Variants in HMCN1 observed in about 807,000 individuals in gnomAD.
HMCN1 encodes hemicentin-1.
In HMCN1, 321 loss-of-function variants were observed where a neutral mutation model predicts 625.9. The ratio of observed to expected loss-of-function variants is 0.51; its 90% CI spans 0.47 to 0.56. HMCN1 has a LOEUF of 0.56. Ranked by LOEUF, HMCN1 falls within the 20% of genes least tolerant of loss-of-function variation. The pLI is 0.00. For missense variants in HMCN1, 6,588 were observed against 6,887.3 expected (o/e 0.96, Z 1.54); for synonymous variants, 2,425 against 2,417.6 (o/e 1.00, Z -0.09).
chr1:186,032,740 TAAAAAGAAAAAA>T (rs138478737), intron 36 of HMCN1, among the ~76,000 whole-genome samples: 83,384 of 147,242 alleles, frequency 0.57, 23,367 homozygotes, highest in African/African-American at 0.64. Context: ...TGGCCATAAG[TAAAAAGAAAAAA>T]AAAAAGAAAA....
intron 10 of HMCN1, among the ~76,000 whole-genome samples, chr1:185,931,661 A>T (rs773493537): frequency 1.2e-4 from 18 of 152,130 alleles, no homozygotes; most frequent in Non-Finnish European, 2.5e-4. Flanking sequence ...AAGTGGAAGA[A>T]GAGGAACTGT....
chr1:185,932,464 C>G (rs935647962), intron 10 of HMCN1, among the ~76,000 whole-genome samples: 2 of 152,144 alleles, frequency 1.3e-5, no homozygotes, highest in Non-Finnish European at 2.9e-5. Flanking sequence ...AAAACAGACA[C>G]ATGAATTTCT....
chr1:186,057,495 A>G (rs1657417387), intron 46 of HMCN1, 94 bp downstream of exon 46: 1 of 914,780 alleles, frequency 1.1e-6, no homozygotes, highest in Non-Finnish European at 1.8e-6. Flanking sequence ...TTATTGTTTT[A>G]TTTTTTAACC....
chr1:185,735,084 T>C (rs551524001), intron 1 of HMCN1, 37 bp downstream of exon 1: 2 of 1,593,012 alleles, frequency 1.3e-6, no homozygotes, highest in African/African-American at 2.7e-5. Context: ...TTGCTATGTC[T>C]CATGATTACA....
chr1:185,933,746 A>C lies in HMCN1; in HGVS notation c.1750A>C (p.Asn584His). 6.2e-7 allele frequency: 1 copy of C among 1,613,984 alleles called. No individual in the cohort carries two copies. Among genetic ancestry groups the C allele is most frequent in the South Asian group, 1.1e-5 (1 of 91,082 alleles). ...ATTGGAGCTAAAGAGTGTGAAATTC[A>C]ACGATGCTGGAGAGTATCATTGTAT... ...LSLELKSVKF[N>H]DAGEYHCMVS... Residue 584 changes from asparagine to histidine, a missense_variant, in exon 11 of 107, where the codon AAC becomes CAC. Asn to His is a moderately conservative substitution (Grantham distance 68). Transcript: ENST00000271588.
chr1:186,157,973 A>G (rs1344263722), intron 97 of HMCN1, among the ~76,000 whole-genome samples: 3 of 151,900 alleles, frequency 2.0e-5, no homozygotes, highest in Admixed American at 6.6e-5. Flanking sequence ...GGATGGCTGG[A>G]TCAAATGGTA....
intron 69 of HMCN1, among the ~76,000 whole-genome samples, chr1:186,106,021 C>T (rs776721244): frequency 1.3e-5 from 2 of 152,164 alleles, no homozygotes; most frequent in Non-Finnish European, 2.9e-5. Flanking sequence ...ACATTCTAGT[C>T]TCAATGTTTT....
At chr1:186,177,498 G>A (rs1309088748) in intron 103 of HMCN1, among the ~76,000 whole-genome samples, 2 of 152,106 alleles carry the variant, frequency 1.3e-5, no homozygotes, top group East Asian at 3.9e-4. Context: ...AATAAAGAAT[G>A]TGATGGGAAA....
At chr1:185,736,319 T>C (rs1043946939) in intron 1 of HMCN1, among the ~76,000 whole-genome samples, 2 of 151,710 alleles carry the variant, frequency 1.3e-5, no homozygotes, top group African/African-American at 4.9e-5. Flanking sequence ...AATTTCTACA[T>C]TGGTTAAACA....
chr1:186,094,517 A>T (rs1301073923), intron 67 of HMCN1, 144 bp downstream of exon 67: 9 of 708,290 alleles, frequency 1.3e-5, no homozygotes, highest in Non-Finnish European at 2.3e-5. Context: ...CTGACTAGAG[A>T]ATGTATTTTC....
At chr1:186,040,922 C>G in intron 39 of HMCN1, 91 bp from the exon 40 acceptor site, 1 of 1,410,282 alleles carries the variant, frequency 7.1e-7, no homozygotes, top group Non-Finnish European at 1.0e-6. Flanking sequence ...CAAATGTCAA[C>G]TGATAAGCCT....
chr1:186,119,209 C>T lies in HMCN1; in HGVS notation c.11867C>T (p.Ala3956Val), dbSNP rs769250182. Residue 3956 changes from alanine to valine, a missense_variant, in exon 78 of 107, where the codon GCC (alanine) becomes GTC (valine). Transcript: ENST00000271588. ...ILSSGAIEIL[A>V]TQLNHAGRYT... ...TTTTTAGGAGCAATTGAAATACTTGCCACCCAATTAAACCATGCTGGAAGA... is the reference window on the plus strand; with the variant it reads ...TTTTTAGGAGCAATTGAAATACTTGTCACCCAATTAAACCATGCTGGAAGA... 11 of 1,613,424 alleles carry T rather than the reference C, an allele frequency of 6.8e-6. No individual in the cohort carries two copies. In the East Asian group the frequency reaches 2.5e-4, roughly 36 times the overall value.
In HMCN1 at chr1:186,053,870, C is replaced by A; in HGVS notation, c.6746C>A (p.Ser2249Tyr). Residue 2249 changes from serine (S) to tyrosine (Y), a missense_variant, in exon 44 of 107, where the codon TCT (serine) becomes TAT (tyrosine). Transcript: ENST00000271588. ...TCCATGGGGCGAGTTAGAATTTTAT[C>A]TGGGGGCAGGCAATTACAAATTTCA... ...TDSMGRVRIL[S>Y]GGRQLQISIA... 1 of 1,612,738 alleles carries A rather than the reference C, an allele frequency of 6.2e-7. No individual in the cohort carries two copies. The highest frequency in any genetic ancestry group is 8.5e-7 in the Non-Finnish European group (1 of 1,179,196).
chr1:186,039,400 G>A (rs1350732397), intron 38 of HMCN1, among the ~76,000 whole-genome samples: 6 of 151,480 alleles, frequency 4.0e-5, no homozygotes, highest in Non-Finnish European at 8.8e-5. Context: ...GTACACACTT[G>A]TGTTCATGTG....
chr1:185,900,260 A>G (rs1430568420), intron 4 of HMCN1, among the ~76,000 whole-genome samples: 1 of 152,020 alleles, frequency 6.6e-6, no homozygotes, highest in African/African-American at 2.4e-5. Flanking sequence ...TCCAACTACC[A>G]TCTCTGGAGT....
At chr1:186,085,085 T>A (rs1659391752) in intron 57 of HMCN1, among the ~76,000 whole-genome samples, 1 of 152,120 alleles carries the variant, frequency 6.6e-6, no homozygotes, top group African/African-American at 2.4e-5. Flanking sequence ...AAGGCAGGAA[T>A]ATTGATGTCA....
intron 1 of HMCN1, among the ~76,000 whole-genome samples, chr1:185,803,454 A>G (rs1658958879): frequency 6.6e-6 from 1 of 152,084 alleles, no homozygotes; most frequent in Non-Finnish European, 1.5e-5. Flanking sequence ...TTGAGCAGAA[A>G]GATCCATTAT....
Position 186,123,018 on chromosome 1 carries a change from C to T in HMCN1, c.12297C>T (p.Ser4099=), listed in dbSNP as rs1270726357. 2 of 1,614,126 alleles carry T rather than the reference C, an allele frequency of 1.2e-6. No homozygotes were observed. Among genetic ancestry groups the T allele is most frequent in the South Asian group, 2.2e-5 (2 of 91,078 alleles). The stretch of plus-strand genomic sequence containing the variant: ...CTGTGGACAAGCCCATCACGTTATC[C>T]TGTGAAGCAGATGGCCTCCCTCCGC... The part of the protein sequence containing the change: ...VIAVDKPITL[S]CEADGLPPPD... Residue 4099 remains serine, a synonymous_variant, in exon 81 of 107, where the codon TCC becomes TCT. Coordinates refer to ENST00000271588, the MANE Select transcript of HMCN1 (RefSeq NM_031935.3).
chr1:185,883,544 A>T (rs761509801), intron 4 of HMCN1, among the ~76,000 whole-genome samples: 3 of 151,896 alleles, frequency 2.0e-5, no homozygotes, highest in Non-Finnish European at 2.9e-5. Flanking sequence ...ATGTTTTTGA[A>T]ATTTACCCAA....
Sources: gnomAD v4.1 joint callset for allele counts (sites outside exome capture counted in the v4.1 genomes callset) on GRCh38, gnomAD v4.1.1 for gene constraint, MANE v1.5 for transcripts, NCBI Gene and HGNC (gene_info 2026-07-23, HGNC 2026-07-21) for gene names.